OXR1: variants seen among roughly 807,000 people sequenced by gnomAD.
OXR1 encodes the protein oxidation resistance 1.
In OXR1, 41 loss-of-function variants were observed where a neutral mutation model predicts 104.6. The observed-to-expected ratio is 0.39, with a 90% confidence interval of 0.31 to 0.51. The LOEUF is 0.51. Among genes scored for constraint, OXR1 ranks in the 20% least tolerant of loss-of-function variants. The probability of loss-of-function intolerance (pLI) is 0.77; values close to 1 mark genes in which losing one functional copy is unlikely to be tolerated. For synonymous variants in OXR1, 348 were observed against 348.4 expected, an observed-to-expected ratio of 1.00 and a Z score of 0.01; for missense variants, 955 against 1,031.9, an observed-to-expected ratio of 0.93 and a Z score of 1.02.
chr8:106,673,255 C>A (rs1827227186), intron 3 of OXR1, among the ~76,000 whole-genome samples: 1 of 152,122 alleles, frequency 6.6e-6, no homozygotes, highest in Admixed American at 6.5e-5. Context: ...TTGTTGGGAA[C>A]TGGAATAAAG....
rs971163574 is a variant in OXR1 at position 106,361,606 on chromosome 8, AT to A, written c.23+1978del. 2.8e-4 allele frequency among the ~76,000 whole-genome samples: 42 copies of A among 152,004 alleles called. 1 individual carries two copies. The highest frequency in any genetic ancestry group is 9.7e-4 in the African/African-American group (40 of 41,440). On this transcript the variant is annotated intron_variant, in intron 2 of 16. Transcript: ENST00000517566. ...CTAGTTTAGACATCGTTAACCTTCT[AT>A]TTTTTTTATAATAACCTTTGTAATT... is the stretch of plus-strand genomic sequence containing the variant.
intron 1 of OXR1, among the ~76,000 whole-genome samples, chr8:106,349,785 GC>G (rs2130303250): frequency 6.6e-6 from 1 of 152,232 alleles, no homozygotes; most frequent in South Asian, 2.1e-4. Context: ...GGTATAGCAG[GC>G]AAAGGGAATA....
chr8:106,746,654 T>G (rs997066789), intron 16 of OXR1, among the ~76,000 whole-genome samples: 2 of 152,246 alleles, frequency 1.3e-5, no homozygotes, highest in African/African-American at 4.8e-5. Flanking sequence ...TTAACAAATT[T>G]TCTTACAACT....
chr8:106,517,634 A>G (rs2130095535), intron 2 of OXR1, among the ~76,000 whole-genome samples: 1 of 152,182 alleles, frequency 6.6e-6, no homozygotes, highest in East Asian at 1.9e-4. Context: ...TGTCTTTTAC[A>G]TTTTAGCCAC....
At chr8:106,460,074 A>G (rs920548410) in intron 2 of OXR1, among the ~76,000 whole-genome samples, 1 of 152,198 alleles carries the variant, frequency 6.6e-6, no homozygotes, top group Admixed American at 6.6e-5. Flanking sequence ...TGTGCTAGGT[A>G]CAAGAGATGC....
intron 2 of OXR1, among the ~76,000 whole-genome samples, chr8:106,388,297 A>G (rs1295316453): frequency 6.6e-6 from 1 of 152,222 alleles, no homozygotes; most frequent in Admixed American, 6.5e-5. Context: ...AAGTGCTGGA[A>G]CAATGATGTC....
chr8:106,617,277 G>T (rs956570412), intron 3 of OXR1, among the ~76,000 whole-genome samples: 1 of 152,146 alleles, frequency 6.6e-6, no homozygotes, highest in African/African-American at 2.4e-5. Flanking sequence ...ACAAAAATTA[G>T]CCGGGCATGA....
intron 2 of OXR1, among the ~76,000 whole-genome samples, chr8:106,490,451 C>G (rs1038519995): frequency 1.3e-5 from 2 of 152,122 alleles, no homozygotes; most frequent in East Asian, 3.9e-4. Flanking sequence ...CTCCGTCTCC[C>G]AGGTTCAAGC....
In OXR1 at chr8:106,589,809, G is replaced by A. The variant is rs1339742277; in HGVS notation, c.220+70670G>A. ...AGCCTCCTGAGTAGCTGGGATTACA[G>A]ACATATGCCACCATGCCCGACTAAT... On this transcript the variant is annotated intron_variant, in intron 3 of 16. Transcript: ENST00000517566. Among the ~76,000 whole-genome samples the A allele has an allele frequency of 2.6e-5, 4 of 152,256 alleles. No homozygotes were observed. The East Asian group carries it at 7.7e-4, about 29-fold the overall frequency.
rs1245330720 is a variant in OXR1, at chr8:106,339,518, AAATATATATAT to A, written c.-138-19956_-138-19946del. 8.9e-3 allele frequency among the ~76,000 whole-genome samples: 216 copies of A among 24,326 alleles called. 26 individuals carry two copies. The highest frequency in any genetic ancestry group is 0.032 in the South Asian group (20 of 620). The allele number at this position is 24,326 out of a possible 152,430, so 16.0% of individuals were successfully genotyped here. A position where few individuals can be genotyped will look rare whatever the true frequency, so the allele number is the denominator to read the frequency against. On this transcript the variant is annotated intron_variant, in intron 1 of 16. Coordinates refer to ENST00000517566, the MANE Select transcript of OXR1 (RefSeq NM_001198533.2). ...AAAAAAAAAAAAAAAAAAAAAAAAAAAATATATATATATATATATATATATATATATATATA... is the reference window on the plus strand; with the variant it reads ...AAAAAAAAAAAAAAAAAAAAAAAAAAATATATATATATATATATATATATA...
chr8:106,623,827 G>C (rs1374480030), intron 3 of OXR1, among the ~76,000 whole-genome samples: 1 of 152,192 alleles, frequency 6.6e-6, no homozygotes, highest in African/African-American at 2.4e-5. Context: ...AGGCTGTGTT[G>C]AATTTAACTT....
At chr8:106,582,177 C>CATATAG (rs1554598108) in intron 3 of OXR1, among the ~76,000 whole-genome samples, 1 of 119,348 alleles carries the variant, frequency 8.4e-6, no homozygotes, top group Non-Finnish European at 1.6e-5. Flanking sequence ...TTTCTATTGA[C>CATATAG]ATATATATAT....
chr8:106,679,145 A>G (rs1827896238), intron 3 of OXR1, 65 bp from the exon 4 acceptor site: 3 of 924,442 alleles, frequency 3.2e-6, no homozygotes, highest in Non-Finnish European at 5.3e-6. Flanking sequence ...AGCTCTATTC[A>G]GTAGTCCTTG....
intron 2 of OXR1, among the ~76,000 whole-genome samples, chr8:106,498,682 T>G (rs1165397904): frequency 1.3e-5 from 2 of 152,144 alleles, no homozygotes; most frequent in African/African-American, 4.8e-5. Flanking sequence ...TGTAAGTGCA[T>G]GTGTGTGCAT....
chr8:106,492,241 C>T (rs773379467), intron 2 of OXR1, among the ~76,000 whole-genome samples: 2 of 152,186 alleles, frequency 1.3e-5, no homozygotes, highest in Non-Finnish European at 2.9e-5. Flanking sequence ...CTATTTAACT[C>T]ATCCAACTTT....
Position 106,706,386 on chromosome 8 carries a change from A to G in OXR1, c.865A>G (p.Ile289Val), listed in dbSNP as rs765153986. 1.9e-6 allele frequency: 3 copies of G among 1,564,536 alleles called. No homozygotes were observed. The highest frequency in any genetic ancestry group is 1.2e-5 in the South Asian group (1 of 81,186). The part of the protein sequence containing the change: ...SKIKESLPID[I>V]DQLSGRDFCH... Reference sequence around the variant, plus strand: ...TTTAATTTTGTTTAATGACAGAGATATAGATCAGCTATCAGGAAGGGACTT... The same window carrying G: ...TTTAATTTTGTTTAATGACAGAGATGTAGATCAGCTATCAGGAAGGGACTT... The change falls in exon 9 of 17, where the codon ATA becomes GTA. Residue 289 changes from isoleucine to valine, a missense_variant. By Grantham distance (29) the Ile-to-Val change is conservative (BLOSUM62 3). Around this residue, in one of 2 missense-constraint regions of OXR1, gnomAD observed 849 missense variants for 852.9 expected, o/e 1.00. Transcript: ENST00000517566.
intron 2 of OXR1, among the ~76,000 whole-genome samples, chr8:106,393,843 A>G (rs574346527): frequency 1.3e-5 from 2 of 152,198 alleles, no homozygotes; most frequent in African/African-American, 4.8e-5. Flanking sequence ...TATAACTTGT[A>G]TAATACATAC....
At chr8:106,503,583 C>T (rs922263629) in intron 2 of OXR1, among the ~76,000 whole-genome samples, 1 of 152,148 alleles carries the variant, frequency 6.6e-6, no homozygotes, top group Non-Finnish European at 1.5e-5. Context: ...TTGAAACAAA[C>T]CAAAGAGCTT....
rs957945855 is a variant in OXR1 at position 106,519,043 on chromosome 8, C to T, written c.124C>T (p.Pro42Ser). The part of the protein sequence containing the change: ...QTPQASKPPA[P>S]KTPIIEEEQN... ...ACCACAAGCCAGTAAGCCCCCGGCA[C>T]CCAAGACCCCCATCATTGAAGAAGA... Residue 42 changes from proline to serine, a missense_variant, in exon 3 of 17, where the codon CCC (proline) becomes TCC (serine). Around this residue, in one of 2 missense-constraint regions of OXR1, gnomAD observed 849 missense variants for 852.9 expected, o/e 1.00. Coordinates refer to ENST00000517566, the MANE Select transcript of OXR1 (RefSeq NM_001198533.2). 1.9e-6 allele frequency: 3 copies of T among 1,551,816 alleles called. No homozygotes were observed. The highest frequency in any genetic ancestry group is 1.7e-4 in the Middle Eastern group (1 of 6,018).
Sources: allele counts gnomAD v4.1 joint callset (sites outside exome capture counted in the v4.1 genomes callset), GRCh38; gene constraint gnomAD v4.1.1; regional missense constraint gnomAD v4.1.1; transcripts MANE v1.5; gene names NCBI Gene and HGNC (gene_info 2026-07-23, HGNC 2026-07-21).